KCNH1: variants seen among roughly 807,000 people sequenced by gnomAD.
KCNH1 encodes voltage-gated delayed rectifier potassium channel KCNH1.
Under a neutral mutation model 69.2 loss-of-function variants are expected in KCNH1, and 27 were observed. The observed-to-expected ratio is 0.39, with a 90% CI of 0.29 to 0.54. KCNH1 has a LOEUF of 0.54. KCNH1 is among the 20% of genes least tolerant of loss of function. KCNH1 has a pLI of 0.68. For synonymous variants in KCNH1, 456 were observed against 487.7 expected (o/e 0.93, Z 0.86); for missense variants, 798 against 1,261.6 (o/e 0.63, Z 5.57).
At chr1:210,957,077 T>C (rs770823102) in intron 6 of KCNH1, among the ~76,000 whole-genome samples, 2 of 152,176 alleles carry the variant, frequency 1.3e-5, no homozygotes, top group Middle Eastern at 6.8e-3. Flanking sequence ...CTCTACACAC[T>C]GCTTTAGCTG....
At chr1:210,685,570 A>C (rs973575791) in intron 10 of KCNH1, among the ~76,000 whole-genome samples, 1 of 152,174 alleles carries the variant, frequency 6.6e-6, no homozygotes, top group Non-Finnish European at 1.5e-5. Flanking sequence ...AGGTATCTTA[A>C]CTTCTGAGTC....
intron 6 of KCNH1, among the ~76,000 whole-genome samples, chr1:210,942,397 G>A (rs1687891893): frequency 6.6e-6 from 1 of 152,098 alleles, no homozygotes; most frequent in African/African-American, 2.4e-5. Context: ...CACCTATAAA[G>A]TAGGAAAAAT....
chr1:210,709,373 G>T (rs897270871), intron 10 of KCNH1, among the ~76,000 whole-genome samples: 3 of 152,184 alleles, frequency 2.0e-5, no homozygotes, highest in African/African-American at 7.2e-5. Context: ...CCAGCAGGAG[G>T]TGGGAGAGAG....
chr1:211,000,812 GAGATAT>G (rs1689161949), intron 6 of KCNH1, among the ~76,000 whole-genome samples: 1 of 152,138 alleles, frequency 6.6e-6, no homozygotes, highest in Non-Finnish European at 1.5e-5. Flanking sequence ...TACCAAAACA[GAGATAT>G]AGATCAATGG....
At chr1:210,951,242 G>A (rs918854796) in intron 6 of KCNH1, among the ~76,000 whole-genome samples, 17 of 152,322 alleles carry the variant, frequency 1.1e-4, no homozygotes, top group Middle Eastern at 3.4e-3. Context: ...TGTGCTGTGC[G>A]AAGAGTAGCT....
At chr1:210,780,877 C>G (rs1201654279) in intron 9 of KCNH1, among the ~76,000 whole-genome samples, 1 of 152,164 alleles carries the variant, frequency 6.6e-6, no homozygotes, top group African/African-American at 2.4e-5. Context: ...GAAACCCCGT[C>G]TCTACTAAAA....
In KCNH1 at chr1:210,788,698, T is replaced by C. The variant is rs1243552396; in HGVS notation, c.1915+8810A>G. On this transcript the variant is annotated intron_variant, in intron 9 of 10. Coordinates refer to ENST00000271751, the MANE Select transcript of KCNH1 (RefSeq NM_172362.3). ...TATAGCTTCTTTCTTTTTTTTTTTT[T>C]TTTTTTTTTTTTTTTTGAGACGGAG... Among the ~76,000 whole-genome samples, 28 of 92,464 alleles carry C rather than the reference T, an allele frequency of 3.0e-4. 1 individual carries two copies. The East Asian group carries it at 4.4e-3, about 14-fold the overall frequency. 60.7% of individuals were successfully genotyped at this position (92,464 alleles called of 152,430 possible). A position where few individuals can be genotyped will look rare whatever the true frequency, so the allele number is the denominator to read the frequency against.
At chr1:210,716,849 T>A (rs11119577) in intron 10 of KCNH1, among the ~76,000 whole-genome samples, 39,034 of 152,100 alleles carry the variant, frequency 0.26, 6,221 homozygotes, top group African/African-American at 0.45. Context: ...CGAGTTGCTA[T>A]GATTTTTTGG....
rs1683843752 is a variant in KCNH1 at position 210,775,562 on chromosome 1, T to A, written c.1916-18A>T. ...TCCTTTTCCTAAGGAGAGAAGGTTGTCATGAGGAAAGTGTTGGCCAGGAGA... is the reference window on the plus strand; with the variant it reads ...TCCTTTTCCTAAGGAGAGAAGGTTGACATGAGGAAAGTGTTGGCCAGGAGA... On this transcript the variant is annotated intron_variant, in intron 9 of 10. Coordinates refer to ENST00000271751, the MANE Select transcript of KCNH1 (RefSeq NM_172362.3). 1.2e-6 allele frequency: 2 copies of A among 1,606,242 alleles called. No homozygotes were observed. The highest frequency in any genetic ancestry group is 1.3e-5 in the African/African-American group (1 of 74,758).
chr1:210,859,342 C>T, intron 7 of KCNH1: 5 of 1,525,882 alleles, frequency 3.3e-6, no homozygotes, highest in Middle Eastern at 3.4e-4. Context: ...TTCATTAAGA[C>T]CATGAGTCAG....
At chr1:211,112,501 T>TAAAAA (rs74258707) in intron 1 of KCNH1, among the ~76,000 whole-genome samples, 30 of 126,360 alleles carry the variant, frequency 2.4e-4, no homozygotes, top group African/African-American at 3.5e-4. Context: ...ATTAAATAAA[T>TAAAAA]AAAAAAAAAA....
chr1:210,760,564 ATG>A (rs1178921798), intron 10 of KCNH1, among the ~76,000 whole-genome samples: 2 of 152,202 alleles, frequency 1.3e-5, no homozygotes, highest in African/African-American at 2.4e-5. Context: ...AAACAAACGA[ATG>A]TGTATTTGTC....
chr1:210,824,026 C>G (rs11119610), intron 7 of KCNH1, among the ~76,000 whole-genome samples: 50,539 of 151,948 alleles, frequency 0.33, 8,810 homozygotes, highest in Non-Finnish European at 0.39. Flanking sequence ...GTCTTGAACT[C>G]CTGGCCTCAA....
intron 7 of KCNH1, among the ~76,000 whole-genome samples, chr1:210,842,019 C>T (rs1357845852): frequency 6.6e-6 from 1 of 152,070 alleles, no homozygotes; most frequent in Non-Finnish European, 1.5e-5. Context: ...AAATGAATAC[C>T]CATTGAGTGC....
intron 5 of KCNH1, among the ~76,000 whole-genome samples, chr1:211,030,869 T>C (rs1303459855): frequency 6.6e-6 from 1 of 151,958 alleles, no homozygotes; most frequent in Non-Finnish European, 1.5e-5. Flanking sequence ...ATCTAGAATA[T>C]ATAATCTATA....
chr1:210,810,463 A>G (rs1285344802), intron 7 of KCNH1, among the ~76,000 whole-genome samples: 1 of 151,986 alleles, frequency 6.6e-6, no homozygotes, highest in Non-Finnish European at 1.5e-5. Flanking sequence ...TATTTCTTTG[A>G]TAATTTCTTC....
chr1:210,821,203 C>T (rs1684920727), intron 7 of KCNH1, among the ~76,000 whole-genome samples: 1 of 152,070 alleles, frequency 6.6e-6, no homozygotes. Context: ...CTACCAAAGG[C>T]CCCACCTTAC....
chr1:210,868,816 T>C (rs962527200), intron 7 of KCNH1, among the ~76,000 whole-genome samples: 2 of 152,106 alleles, frequency 1.3e-5, no homozygotes, highest in African/African-American at 4.8e-5. Context: ...TATGGAATCA[T>C]AAAGTATATA....
At chr1:211,099,808 T>C (rs1166231585) in intron 3 of KCNH1, among the ~76,000 whole-genome samples, 1 of 152,126 alleles carries the variant, frequency 6.6e-6, no homozygotes, top group Non-Finnish European at 1.5e-5. Context: ...TCCTGGGCTC[T>C]GCCTGGGGCT....
Sources: allele counts gnomAD v4.1 joint callset (sites outside exome capture counted in the v4.1 genomes callset), GRCh38; gene constraint gnomAD v4.1.1; transcripts MANE v1.5; gene names NCBI Gene and HGNC (gene_info 2026-07-23, HGNC 2026-07-21).